Variants in PCDHGA5 observed in about 807,000 individuals in gnomAD.
PCDHGA5 encodes the protein protocadherin gamma subfamily A, 5, also known as protocadherin gamma-A5.
A neutral mutation model predicts 56.7 loss-of-function variants in PCDHGA5; 36 were observed. The ratio of observed to expected loss-of-function variants is 0.64; its 90% CI spans 0.49 to 0.84. PCDHGA5 has a LOEUF of 0.84. Ranked by LOEUF, PCDHGA5 falls within the 40% of genes least tolerant of loss-of-function variation. The pLI is 0.00. For missense variants in PCDHGA5, 1,305 were observed against 1,201.5 expected, an observed-to-expected ratio of 1.09 and a Z score of -1.27; for synonymous variants, 563 against 520.2, an observed-to-expected ratio of 1.08 and a Z score of -1.12.
At chr5:141,434,117 G>T (rs2097672674) in intron 1 of PCDHGA5, among the ~76,000 whole-genome samples, 1 of 152,126 alleles carries the variant, frequency 6.6e-6, no homozygotes, top group African/African-American at 2.4e-5. Context: ...TGGCCTTTGG[G>T]ACTCCCTTTA....
At chr5:141,376,288 G>T (rs753554580) in intron 1 of PCDHGA5, 1 of 1,614,216 alleles carries the variant, frequency 6.2e-7, no homozygotes, top group Non-Finnish European at 8.5e-7. Context: ...TAGCGAGCAT[G>T]CCCGGCTCGC....
rs572892456 is a variant in PCDHGA5, at chr5:141,427,959, C to T, written c.2421+61208C>T. On this transcript the variant is annotated intron_variant, in intron 1 of 3. Coordinates refer to ENST00000518069, the MANE Select transcript of PCDHGA5 (RefSeq NM_018918.3). Reference sequence around the variant, plus strand: ...GGGCGACCTCAATGACAATGTGCCGCGGGTGCTGTACCCCGCGCTGGGGCC... The same window carrying T: ...GGGCGACCTCAATGACAATGTGCCGTGGGTGCTGTACCCCGCGCTGGGGCC... 3.8e-6 allele frequency: 6 copies of T among 1,588,886 alleles called. No individual in the cohort carries two copies. The East Asian group carries it at 1.1e-4, about 30-fold the overall frequency.
chr5:141,505,283 G>A, intron 2 of PCDHGA5, 110 bp from the exon 3 acceptor site: 5 of 1,547,446 alleles, frequency 3.2e-6, no homozygotes, highest in Non-Finnish European at 3.5e-6. Flanking sequence ...ACAGGTCTTG[G>A]GCATGGGGTA....
chr5:141,393,460 A>T, intron 1 of PCDHGA5: 1 of 1,614,052 alleles, frequency 6.2e-7, no homozygotes, highest in Non-Finnish European at 8.5e-7. Flanking sequence ...ACGGCCTCGG[A>T]TGGCGGCAAG....
intron 1 of PCDHGA5, chr5:141,394,183 A>G: frequency 1.2e-6 from 2 of 1,613,702 alleles, no homozygotes; most frequent in Non-Finnish European, 1.7e-6. Context: ...CATGCCTCCT[A>G]CTCAGCGTAT....
chr5:141,502,601 A>G (rs2099815205), intron 2 of PCDHGA5, among the ~76,000 whole-genome samples: 1 of 152,218 alleles, frequency 6.6e-6, no homozygotes, highest in Non-Finnish European at 1.5e-5. Flanking sequence ...ATATTTTAAA[A>G]TATTTGTGAA....
chr5:141,385,238 T>C (rs756116390), intron 1 of PCDHGA5: 1 of 1,614,074 alleles, frequency 6.2e-7, no homozygotes, highest in Non-Finnish European at 8.5e-7. Context: ...GACATGCTCA[T>C]CAGCCAGGAG....
In PCDHGA5 at chr5:141,383,840, T is replaced by C. The variant is rs190731749; in HGVS notation, c.2421+17089T>C. 1.9e-6 allele frequency: 3 copies of C among 1,613,952 alleles called. No homozygotes were observed. In the East Asian group the frequency reaches 6.7e-5, roughly 36 times the overall value. Reference sequence around the variant, plus strand: ...GGATTAGATTATGAAGAAACTGCCTTCTATGAAATGGAGGTTCAGGCTCAA... The same window carrying C: ...GGATTAGATTATGAAGAAACTGCCTCCTATGAAATGGAGGTTCAGGCTCAA... On this transcript the variant is annotated intron_variant, in intron 1 of 3. Transcript: ENST00000518069.
chr5:141,494,901 G>C, intron 2 of PCDHGA5, 36 bp downstream of exon 2: 1 of 1,614,050 alleles, frequency 6.2e-7, no homozygotes, highest in Non-Finnish European at 8.5e-7. Context: ...CCTCTTCTCT[G>C]CGGCATTTTC....
Position 141,462,764 on chromosome 5 carries a change from G to C in PCDHGA5, c.2422-32043G>C, listed in dbSNP as rs150842317. Among the ~76,000 whole-genome samples, 589 of 152,084 alleles carry C rather than the reference G, an allele frequency of 3.9e-3. 5 individuals are homozygous for C. Among genetic ancestry groups the C allele is most frequent in the Admixed American group, 0.011 (169 of 15,274 alleles). ...AATTCCTATGATGATTTTCTTCCTG[G>C]CTTGGGGTCATAATTTGTTGCTTAT... On this transcript the variant is annotated intron_variant, in intron 1 of 3. Transcript: ENST00000518069.
In PCDHGA5 at chr5:141,374,228, G is replaced by A. The variant is rs776875063; in HGVS notation, c.2421+7477G>A. On this transcript the variant is annotated intron_variant, in intron 1 of 3. Coordinates refer to ENST00000518069, the MANE Select transcript of PCDHGA5 (RefSeq NM_018918.3). ...GAAAGGCTCCTTCGTAGGCAACATC[G>A]TCAAGGATCTGGGACTGGAGCCCCA... The A allele has an allele frequency of 3.1e-6, 5 of 1,613,988 alleles. No homozygotes were observed. In the South Asian group the frequency reaches 3.3e-5, roughly 11 times the overall value.
At chr5:141,402,391 T>C (rs1344810342) in intron 1 of PCDHGA5, among the ~76,000 whole-genome samples, 3 of 151,962 alleles carry the variant, frequency 2.0e-5, no homozygotes, top group African/African-American at 7.2e-5. Context: ...AAAAATTACT[T>C]CAGAAAATTG....
At chr5:141,483,207 A>G (rs1225621725) in intron 1 of PCDHGA5, among the ~76,000 whole-genome samples, 1 of 152,224 alleles carries the variant, frequency 6.6e-6, no homozygotes, top group African/African-American at 2.4e-5. Context: ...TATTCCATAT[A>G]GATGACAGTC....
chr5:141,454,691 C>T (rs745856768), intron 1 of PCDHGA5, among the ~76,000 whole-genome samples: 5 of 152,038 alleles, frequency 3.3e-5, no homozygotes, highest in Non-Finnish European at 5.9e-5. Flanking sequence ...CAGGCATGAG[C>T]CACCATGCTC....
At chr5:141,428,099 C>G (rs1304120001) in intron 1 of PCDHGA5, 4 of 1,608,710 alleles carry the variant, frequency 2.5e-6, no homozygotes, top group Non-Finnish European at 2.5e-6. Flanking sequence ...TGTCCTACCA[C>G]GTGCTGCAGG....
At chr5:141,495,279 G>T (rs72790069) in intron 2 of PCDHGA5, among the ~76,000 whole-genome samples, 4 of 152,146 alleles carry the variant, frequency 2.6e-5, no homozygotes, top group Non-Finnish European at 5.9e-5. Context: ...CGGAGGAGGC[G>T]GTCCGCACTC....
At chr5:141,395,194 C>G in intron 1 of PCDHGA5, 1 of 1,613,922 alleles carries the variant, frequency 6.2e-7, no homozygotes, top group Non-Finnish European at 8.5e-7. Flanking sequence ...TTGTTAACAT[C>G]CGTAGATTTT....
intron 1 of PCDHGA5, chr5:141,415,000 T>G: frequency 6.2e-7 from 1 of 1,613,660 alleles, no homozygotes; most frequent in Non-Finnish European, 8.5e-7. Context: ...CGCCTGGCTG[T>G]CCTACCGTCT....
chr5:141,389,771 C>G, intron 1 of PCDHGA5: 1 of 1,613,206 alleles, frequency 6.2e-7, no homozygotes, highest in Non-Finnish European at 8.5e-7. Context: ...CAGCGCGTGC[C>G]TTAGGCGACA....
Sources: allele counts gnomAD v4.1 joint callset (sites outside exome capture counted in the v4.1 genomes callset), GRCh38; gene constraint gnomAD v4.1.1; transcripts MANE v1.5; gene names NCBI Gene and HGNC (gene_info 2026-07-23, HGNC 2026-07-21).